Variants in VWA3B observed in about 807,000 individuals in gnomAD.
VWA3B encodes the protein von Willebrand factor A domain containing 3B.
In VWA3B, 138 loss-of-function variants were observed where a neutral mutation model predicts 158.3. The ratio of observed to expected loss-of-function variants is 0.87; its 90% CI spans 0.76 to 1.00. VWA3B has a LOEUF of 1.00. VWA3B is among the 50% of genes least tolerant of loss of function. The pLI, the probability that VWA3B is intolerant of heterozygous loss-of-function variation, is 0.00. For missense variants in VWA3B, 1,555 were observed against 1,565.1 expected (o/e 0.99, Z 0.11); for synonymous variants, 596 against 587.3 (o/e 1.01, Z -0.21).
At chr2:98,284,431 G>A (rs1022344687) in intron 22 of VWA3B, among the ~76,000 whole-genome samples, 3 of 152,128 alleles carry the variant, frequency 2.0e-5, no homozygotes, top group Non-Finnish European at 2.9e-5. Context: ...AACCCAAACT[G>A]TATTGAACAT....
rs1683573669 is a variant in VWA3B at position 98,212,045 on chromosome 2, GGA to G, written c.1836+18_1836+19del. On this transcript the variant is annotated intron_variant, in intron 13 of 27. Transcript: ENST00000477737. ...CCTGATCAGGTACTTACCAGAGCTG[GGA>G]ACAAAGAGGGCCTCACTGATGCTCT... 2 of 1,607,882 alleles carry G rather than the reference GGA, an allele frequency of 1.2e-6. No homozygotes were observed. Among genetic ancestry groups the G allele is most frequent in the Non-Finnish European group, 1.7e-6 (2 of 1,174,726 alleles).
chr2:98,113,128 G>A (rs960469784), intron 2 of VWA3B, among the ~76,000 whole-genome samples: 2 of 151,302 alleles, frequency 1.3e-5, no homozygotes, highest in Non-Finnish European at 2.9e-5. Context: ...TCAACATCTG[G>A]TCCATTTCAG....
the VWA3B span, among the ~76,000 whole-genome samples, chr2:98,322,128 A>G: frequency 1.3e-5 from 2 of 152,212 alleles, no homozygotes; most frequent in Non-Finnish European, 2.9e-5. Context: ...CTGTGAGTCC[A>G]TTACACTTCT....
At chr2:98,093,988 G>A (rs1262922569) in intron 2 of VWA3B, among the ~76,000 whole-genome samples, 1 of 152,122 alleles carries the variant, frequency 6.6e-6, no homozygotes, top group African/African-American at 2.4e-5. Context: ...TTTTATGGCT[G>A]AATAGTATTT....
At chr2:98,287,571 T>TA (rs144010795) in intron 22 of VWA3B, among the ~76,000 whole-genome samples, 5,940 of 152,216 alleles carry the variant, frequency 0.039, 169 homozygotes, top group Middle Eastern at 0.075. Context: ...TCATCAAGCA[T>TA]AAAAAAATGG....
rs546662496 is a variant in VWA3B, at chr2:98,181,092, T to C, written c.1191T>C (p.Tyr397=). ...ACTCTAAGACATGGCTGCAGAAATA[T>C]GGCTTGAAGGCCCAGAAGCTATCCT... ...TWDSKTWLQK[Y]GLKAQKLSLY... is the part of the protein sequence containing the mutation. The change falls in exon 9 of 28, where the codon TAT becomes TAC. Residue 397 remains tyrosine, a synonymous_variant. Transcript: ENST00000477737. 1.9e-5 allele frequency: 30 copies of C among 1,614,234 alleles called. No homozygotes were observed. Among genetic ancestry groups the C allele is most frequent in the South Asian group, 2.2e-5 (2 of 91,084 alleles).
intron 7 of VWA3B, among the ~76,000 whole-genome samples, chr2:98,142,458 C>A (rs1005975323): frequency 6.6e-6 from 1 of 152,150 alleles, no homozygotes; most frequent in South Asian, 2.1e-4. Context: ...AACCGTAATA[C>A]CTCTCCTAGG....
chr2:98,276,451 G>A (rs979533420), intron 22 of VWA3B, among the ~76,000 whole-genome samples: 1 of 152,194 alleles, frequency 6.6e-6, no homozygotes, highest in Non-Finnish European at 1.5e-5. Context: ...TTTTAGCAAA[G>A]GCCAAAGCTT....
At chr2:98,325,153 A>G in the VWA3B span, among the ~76,000 whole-genome samples, 1 of 152,224 alleles carries the variant, frequency 6.6e-6, no homozygotes, top group East Asian at 1.9e-4. Flanking sequence ...AAATTTGTCT[A>G]AAGATGTAAA....
At position 98,181,123 on chromosome 2, in the gene VWA3B, G is replaced by T. The variant is rs760821434; in HGVS notation, c.1222G>T (p.Asp408Tyr). 3.7e-6 allele frequency: 6 copies of T among 1,614,128 alleles called. No homozygotes were observed. The highest frequency in any genetic ancestry group is 5.1e-6 in the Non-Finnish European group (6 of 1,180,052). Residue 408 changes from aspartate (D) to tyrosine (Y), a missense_variant, in exon 9 of 28, where the codon GAT (aspartate) becomes TAT (tyrosine). Asp to Tyr is a radical substitution (Grantham distance 160). Coordinates refer to ENST00000477737, the MANE Select transcript of VWA3B (RefSeq NM_144992.5). ...GLKAQKLSLY[D>Y]VLADCSFRHA... is the part of the protein sequence containing the mutation. ...GAAGGCCCAGAAGCTATCCTTGTAT[G>T]ATGTGCTTGCCGACTGCTCTTTCCG... is the stretch of plus-strand genomic sequence containing the variant.
chr2:98,282,817 G>GA (rs1688961676), intron 22 of VWA3B, among the ~76,000 whole-genome samples: 1 of 152,164 alleles, frequency 6.6e-6, no homozygotes, highest in Non-Finnish European at 1.5e-5. Context: ...TGAATGACTT[G>GA]AAGGGGAGTG....
At chr2:98,318,784 A>C in the VWA3B span, among the ~76,000 whole-genome samples, 3 of 152,372 alleles carry the variant, frequency 2.0e-5, no homozygotes, top group South Asian at 6.2e-4. Flanking sequence ...TAGGTGTCCA[A>C]AAAAGACATA....
At position 98,119,771 on chromosome 2, in the gene VWA3B, C is replaced by A. The variant is rs758601979; in HGVS notation, c.542+8C>A. The A allele has an allele frequency of 6.2e-7, 1 of 1,611,790 alleles. No individual in the cohort carries two copies. Among genetic ancestry groups the A allele is most frequent in the African/African-American group, 1.3e-5 (1 of 74,818 alleles). On this transcript the variant is annotated splice_region_variant and intron_variant, in intron 4 of 27. Transcript: ENST00000477737. ...CGAGTTCAATATCATACGGTGAGTT[C>A]CCATAGGAAGGGAGTATTTTAGTGA...
At chr2:98,307,945 A>C (rs1004722452) in intron 26 of VWA3B, among the ~76,000 whole-genome samples, 11 of 152,158 alleles carry the variant, frequency 7.2e-5, no homozygotes, top group South Asian at 6.2e-4. Flanking sequence ...CCTTTCCTCC[A>C]GGTCTCTCTT....
At chr2:98,294,252 A>G (rs1001701022) in intron 23 of VWA3B, among the ~76,000 whole-genome samples, 2 of 150,404 alleles carry the variant, frequency 1.3e-5, no homozygotes, top group African/African-American at 4.9e-5. Flanking sequence ...AAAATGTTGC[A>G]GAGCATAGGC....
intron 7 of VWA3B, among the ~76,000 whole-genome samples, chr2:98,158,273 A>G (rs1308573174): frequency 1.3e-5 from 2 of 152,034 alleles, no homozygotes; most frequent in Non-Finnish European, 2.9e-5. Context: ...CACTGTCCCT[A>G]TGCTTAAGAC....
chr2:98,205,260 GTTT>G (rs1220665281), intron 12 of VWA3B, among the ~76,000 whole-genome samples: 1 of 152,186 alleles, frequency 6.6e-6, no homozygotes, highest in East Asian at 1.9e-4. Context: ...AGTTTTGGTA[GTTT>G]GTGGTTTTTG....
chr2:98,247,521 A>T (rs991927760), intron 19 of VWA3B, among the ~76,000 whole-genome samples: 1 of 152,124 alleles, frequency 6.6e-6, no homozygotes, highest in African/African-American at 2.4e-5. Context: ...ATCTCTTTAT[A>T]TCTAAAAAGC....
intron 5 of VWA3B, among the ~76,000 whole-genome samples, chr2:98,122,856 A>C (rs1182227031): frequency 2.0e-5 from 3 of 152,182 alleles, no homozygotes; most frequent in African/African-American, 7.2e-5. Context: ...AGTCCTATGG[A>C]AGAAAAGGAA....
Sources: allele counts gnomAD v4.1 joint callset (sites outside exome capture counted in the v4.1 genomes callset), GRCh38; gene constraint gnomAD v4.1.1; transcripts MANE v1.5; gene names NCBI Gene and HGNC (gene_info 2026-07-23, HGNC 2026-07-21).